ITPR3: variants seen among roughly 807,000 people sequenced by gnomAD.
ITPR3 encodes the protein inositol 1,4,5-trisphosphate receptor type 3.
ITPR3 carries 173 observed loss-of-function variants against 293.2 expected under a neutral mutation model. The observed-to-expected ratio is 0.59, with a 90% CI of 0.52 to 0.67. The LOEUF (loss-of-function observed/expected upper bound fraction) is 0.67, where lower values mean the gene tolerates loss of function less well. ITPR3 is among the 30% of genes least tolerant of loss of function. The pLI is 0.00. For missense variants in ITPR3, 2,796 were observed against 3,592.1 expected, an observed-to-expected ratio of 0.78 and a Z score of 5.66; for synonymous variants, 1,295 against 1,444.4, an observed-to-expected ratio of 0.90 and a Z score of 2.35.
intron 57 of ITPR3, 82 bp from the exon 58 acceptor site, chr6:33,695,630 G>T: frequency 7.2e-7 from 1 of 1,384,232 alleles, no homozygotes; most frequent in Non-Finnish European, 1.0e-6. Context: ...GGGGAAGACG[G>T]GTGCCAAGCT....
In ITPR3 at chr6:33,624,007, C is replaced by G. The variant is rs10947415; in HGVS notation, c.89+2316C>G. On this transcript the variant is annotated intron_variant, in intron 1 of 57. Coordinates refer to ENST00000605930, the MANE Select transcript of ITPR3 (RefSeq NM_002224.4). The surrounding 1 kb of genome is among the most constrained non-coding windows in gnomAD (Gnocchi z 4.7). Reference sequence around the variant, plus strand: ...CACCACACGACTGCAACCTGTCCCGCGCTCTCAGTCTCTTTACCTTTGCTC... The same window carrying G: ...CACCACACGACTGCAACCTGTCCCGGGCTCTCAGTCTCTTTACCTTTGCTC... Among the ~76,000 whole-genome samples, 1 of 152,170 alleles carries G rather than the reference C, an allele frequency of 6.6e-6. No individual in the cohort carries two copies. Among genetic ancestry groups the G allele is most frequent in the Non-Finnish European group, 1.5e-5 (1 of 68,028 alleles).
At chr6:33,651,875 A>G (rs1764199762) in intron 2 of ITPR3, among the ~76,000 whole-genome samples, 1 of 152,210 alleles carries the variant, frequency 6.6e-6, no homozygotes, top group African/African-American at 2.4e-5. Flanking sequence ...TGCCGTTTTA[A>G]GCAGTGGTGA....
rs71565398 is a variant in ITPR3, at chr6:33,633,953, C to G, written c.90-6531C>G. 0.078 allele frequency among the ~76,000 whole-genome samples: 11,858 copies of G among 152,042 alleles called. 527 individuals are homozygous for G. The highest frequency in any genetic ancestry group is 0.1 in the Non-Finnish European group (6,828 of 67,892). On this transcript the variant is annotated intron_variant, in intron 1 of 57. Coordinates refer to ENST00000605930, the MANE Select transcript of ITPR3 (RefSeq NM_002224.4). The surrounding 1 kb of genome is among the most constrained non-coding windows in gnomAD (Gnocchi z 5.2). ...CAGCGATGGGGAGGTCGCGGCCTCGCCCGGTGAGGCTCCCTCTCCATGCAA... is the reference window on the plus strand; with the variant it reads ...CAGCGATGGGGAGGTCGCGGCCTCGGCCGGTGAGGCTCCCTCTCCATGCAA...
Position 33,678,688 on chromosome 6 carries a change from T to A in ITPR3, c.3821T>A (p.Leu1274His), listed in dbSNP as rs558901730. 2 of 1,613,148 alleles carry A rather than the reference T, an allele frequency of 1.2e-6. No homozygotes were observed. The highest frequency in any genetic ancestry group is 1.3e-5 in the African/African-American group (1 of 75,010). The part of the protein sequence containing the change: ...MQHIFLNNYQ[L>H]CSEISEPVLQ... ...CACATCTTCCTGAACAACTATCAGC[T>A]CTGCTCCGAGATCAGCGAGCCTGTG... The change falls in exon 30 of 58, where the codon CTC (leucine) becomes CAC (histidine). Residue 1274 changes from leucine (L) to histidine (H), a missense_variant. Physicochemically the swap from Leu to His is moderately conservative, Grantham distance 99 (BLOSUM62 -3). Transcript: ENST00000605930.
rs1271217882 is a variant in ITPR3 at position 33,664,686 on chromosome 6, T to G, written c.1149-184T>G. On this transcript the variant is annotated intron_variant, in intron 11 of 57. Transcript: ENST00000605930. The surrounding 1 kb of genome is among the most constrained non-coding windows in gnomAD (Gnocchi z 4.4). ...GACGGGGCCTGGGCGCAGGGCTAGC[T>G]CTGGCTGTTCTTATCTGGCTTCAGC... Among the ~76,000 whole-genome samples the G allele has an allele frequency of 6.6e-6, 1 of 152,112 alleles. No homozygotes were observed. The highest frequency in any genetic ancestry group is 1.5e-5 in the Non-Finnish European group (1 of 68,010).
chr6:33,629,192 G>A (rs1226549939), intron 1 of ITPR3, among the ~76,000 whole-genome samples: 1 of 113,206 alleles, frequency 8.8e-6, no homozygotes, highest in African/African-American at 3.4e-5. Flanking sequence ...TGTATTTTTT[G>A]CTGAAGTATT....
At chr6:33,630,277 C>T (rs1763644633) in intron 1 of ITPR3, among the ~76,000 whole-genome samples, 2 of 152,120 alleles carry the variant, frequency 1.3e-5, no homozygotes, top group African/African-American at 4.8e-5. Context: ...GTCAGGGCTG[C>T]CTTTGTTGCT....
intron 51 of ITPR3, 64 bp downstream of exon 51, chr6:33,690,262 T>C: frequency 6.9e-7 from 1 of 1,449,538 alleles, no homozygotes; most frequent in Non-Finnish European, 9.5e-7. Flanking sequence ...TTCCCATGAG[T>C]TGTTGGCAGT....
chr6:33,678,230 C>T (rs1479191672), intron 28 of ITPR3, among the ~76,000 whole-genome samples, 191 bp from the exon 29 acceptor site: 1 of 152,174 alleles, frequency 6.6e-6, no homozygotes, highest in Non-Finnish European at 1.5e-5. Flanking sequence ...ACTCCAGCCT[C>T]ATCTTGGCCA....
intron 10 of ITPR3, 39 bp from the exon 11 acceptor site, chr6:33,663,699 G>A (rs1165998446): frequency 6.2e-7 from 1 of 1,611,644 alleles, no homozygotes; most frequent in Non-Finnish European, 8.5e-7. Flanking sequence ...GGCTTGAGAA[G>A]AGGGAGGGCC....
intron 51 of ITPR3, among the ~76,000 whole-genome samples, chr6:33,690,631 T>C (rs898127464): frequency 8.5e-5 from 13 of 152,236 alleles, no homozygotes; most frequent in African/African-American, 2.7e-4. Context: ...TTTCCTGGCA[T>C]GCAGCAAGTA....
chr6:33,647,632 G>T (rs1015421807), intron 2 of ITPR3, among the ~76,000 whole-genome samples: 3 of 152,042 alleles, frequency 2.0e-5, no homozygotes, highest in African/African-American at 7.3e-5. Flanking sequence ...TTTGTGACTG[G>T]CTTATTTCAC....
intron 1 of ITPR3, among the ~76,000 whole-genome samples, chr6:33,634,620 G>A (rs1166041169): frequency 1.3e-5 from 2 of 152,054 alleles, no homozygotes; most frequent in Non-Finnish European, 2.9e-5. Flanking sequence ...TTCTCTAAGT[G>A]GCTTCTGTTT....
chr6:33,689,614 CAG>C (rs1391766456), intron 50 of ITPR3, among the ~76,000 whole-genome samples: 3 of 152,240 alleles, frequency 2.0e-5, no homozygotes, highest in Non-Finnish European at 2.9e-5. Flanking sequence ...AGCTGGCACT[CAG>C]AGACAGAAAT....
At position 33,679,247 on chromosome 6, in the gene ITPR3, G is replaced by A. The variant is rs1007747906; in HGVS notation, c.3972+408G>A. On this transcript the variant is annotated intron_variant, in intron 30 of 57. Coordinates refer to ENST00000605930, the MANE Select transcript of ITPR3 (RefSeq NM_002224.4). The surrounding 1 kb of genome is among the most constrained non-coding windows in gnomAD (Gnocchi z 4.2). Reference sequence around the variant, plus strand: ...AGGGACCCCATCCTTTGTGTGCATCGCCAGGGCCCCAGTGTGTGGCGCATA... The same window carrying A: ...AGGGACCCCATCCTTTGTGTGCATCACCAGGGCCCCAGTGTGTGGCGCATA... Among the ~76,000 whole-genome samples, 3 of 152,172 alleles carry A rather than the reference G, an allele frequency of 2.0e-5. No individual in the cohort carries two copies. Among genetic ancestry groups the A allele is most frequent in the Non-Finnish European group, 2.9e-5 (2 of 68,028 alleles).
In ITPR3 at chr6:33,687,704, T is replaced by A; in HGVS notation, c.6264+140T>A. ...AATTTGGGGGTACAGCTCAGGGGGC[T>A]GATTGGGACTGGCAGCCGTGGGTGA... On this transcript the variant is annotated intron_variant, in intron 46 of 57. Coordinates refer to ENST00000605930, the MANE Select transcript of ITPR3 (RefSeq NM_002224.4). This position sits in a 1 kb window ranked among gnomAD's most constrained non-coding sequence, Gnocchi z 5.3. 1 of 701,706 alleles carries A rather than the reference T, an allele frequency of 1.4e-6. No individual in the cohort carries two copies. The highest frequency in any genetic ancestry group is 2.4e-6 in the Non-Finnish European group (1 of 414,414). The allele number at this position is 701,706 out of a possible 1,614,324, so 43.5% of individuals were successfully genotyped here.
At chr6:33,661,528 T>C (rs1764466548) in intron 7 of ITPR3, among the ~76,000 whole-genome samples, 1 of 152,220 alleles carries the variant, frequency 6.6e-6, no homozygotes, top group African/African-American at 2.4e-5. Flanking sequence ...GTGAGAAAGC[T>C]TTCAAGTGCT....
At position 33,682,535 on chromosome 6, in the gene ITPR3, G is replaced by T. The variant is rs372206046; in HGVS notation, c.4488G>T (p.Thr1496=). ...GTGACTTCTTGCAGACACACCAGAC[G>T]ATTGTGGTGCAGCTGCTGCAGTCTA... is the stretch of plus-strand genomic sequence containing the variant. ...ENSTSLQTHQ[T]IVVQLLQSTT... Residue 1496 remains threonine, a synonymous_variant, in exon 34 of 58, where the codon ACG becomes ACT. Coordinates refer to ENST00000605930, the MANE Select transcript of ITPR3 (RefSeq NM_002224.4). This position sits in a 1 kb window ranked among gnomAD's most constrained non-coding sequence, Gnocchi z 5.4. 3.9e-6 allele frequency: 6 copies of T among 1,543,382 alleles called. No homozygotes were observed. The highest frequency in any genetic ancestry group is 5.2e-6 in the Non-Finnish European group (6 of 1,143,288).
chr6:33,659,580 C>T, intron 7 of ITPR3, 31 bp downstream of exon 7: 1 of 1,582,108 alleles, frequency 6.3e-7, no homozygotes, highest in Non-Finnish European at 8.7e-7. Flanking sequence ...CCCTGCCCAG[C>T]TGGCCACCTA....
Sources: gnomAD v4.1 joint callset for allele counts (sites outside exome capture counted in the v4.1 genomes callset) on GRCh38, gnomAD v4.1.1 for gene constraint, Gnocchi (gnomAD v3.1) non-coding constraint, MANE v1.5 for transcripts, NCBI Gene and HGNC (gene_info 2026-07-23, HGNC 2026-07-21) for gene names.